GMPR: variants seen among roughly 807,000 people sequenced by gnomAD.
GMPR encodes the protein guanosine monophosphate reductase.
GMPR carries 31 observed loss-of-function variants against 38.4 expected under a neutral mutation model. The observed-to-expected ratio is 0.81, with a 90% CI of 0.61 to 1.09. The LOEUF is 1.09. GMPR is among the 50% of genes least tolerant of loss of function. The pLI is 0.00. For synonymous variants in GMPR, 162 were observed against 173.3 expected (o/e 0.93, Z 0.51); for missense variants, 468 against 453.7 (o/e 1.03, Z -0.29).
intron 4 of GMPR, among the ~76,000 whole-genome samples, chr6:16,269,610 A>G (rs1338733365): frequency 1.3e-5 from 2 of 152,138 alleles, no homozygotes; most frequent in Admixed American, 1.3e-4. Flanking sequence ...AGCCTGGCCA[A>G]CATGGAGAAA....
At chr6:16,283,379 G>A (rs765304279) in intron 6 of GMPR, among the ~76,000 whole-genome samples, 10 of 152,134 alleles carry the variant, frequency 6.6e-5, no homozygotes, top group East Asian at 1.9e-4. Context: ...ACTGCTTCCC[G>A]AGAACATGAA....
chr6:16,254,787 G>A (rs758872155), intron 4 of GMPR, 52 bp downstream of exon 4: 59 of 1,343,608 alleles, frequency 4.4e-5, no homozygotes, highest in Non-Finnish European at 6.0e-5. Flanking sequence ...GGGAAGCCAC[G>A]AGGGAGTTGT....
chr6:16,295,438 C>T lies in GMPR; in HGVS notation c.*252C>T, dbSNP rs763865533. The stretch of plus-strand genomic sequence containing the variant: ...GAACTCATAACCTCATTGTTCAAAC[C>T]AACACTTGCACCTTTCTCTTTTTCT... On this transcript the variant is annotated 3_prime_UTR_variant, in exon 9 of 9. Coordinates refer to ENST00000259727, the MANE Select transcript of GMPR (RefSeq NM_006877.4). 2.7e-6 allele frequency: 1 copy of T among 373,780 alleles called. No homozygotes were observed. The highest frequency in any genetic ancestry group is 4.7e-6 in the Non-Finnish European group (1 of 211,638). The allele number at this position is 373,780 out of a possible 1,614,324, so 23.2% of individuals were successfully genotyped here. A position where few individuals can be genotyped will look rare whatever the true frequency, so the allele number is the denominator to read the frequency against.
At chr6:16,287,296 T>C (rs2113703475) in intron 7 of GMPR, among the ~76,000 whole-genome samples, 1 of 152,328 alleles carries the variant, frequency 6.6e-6, no homozygotes, top group Middle Eastern at 3.4e-3. Flanking sequence ...TTAATACAGG[T>C]GGTGGTCCAT....
intron 6 of GMPR, among the ~76,000 whole-genome samples, chr6:16,282,821 T>G (rs1334930404): frequency 6.6e-6 from 1 of 152,092 alleles, no homozygotes; most frequent in Non-Finnish European, 1.5e-5. Context: ...TTTCTTTTTT[T>G]TTTTTGAGAC....
At chr6:16,245,375 G>C (rs1758732979) in intron 1 of GMPR, among the ~76,000 whole-genome samples, 1 of 152,230 alleles carries the variant, frequency 6.6e-6, no homozygotes, top group Non-Finnish European at 1.5e-5. Context: ...TAAAGGGCCA[G>C]AGCGGTCCCA....
At chr6:16,247,243 C>T (rs2113669494) in intron 2 of GMPR, among the ~76,000 whole-genome samples, 1 of 152,230 alleles carries the variant, frequency 6.6e-6, no homozygotes, top group African/African-American at 2.4e-5. Flanking sequence ...TGCCATATTG[C>T]AGAAAAGTGA....
chr6:16,248,962 C>T (rs773713504), intron 2 of GMPR, among the ~76,000 whole-genome samples: 12 of 152,030 alleles, frequency 7.9e-5, no homozygotes, highest in Admixed American at 2.0e-4. Flanking sequence ...GTGAATTTTC[C>T]GTTTCTAGGA....
chr6:16,281,166 C>A (rs1759564352), intron 6 of GMPR, among the ~76,000 whole-genome samples: 1 of 152,204 alleles, frequency 6.6e-6, no homozygotes, highest in Non-Finnish European at 1.5e-5. Flanking sequence ...GTTACAAATT[C>A]TTGGGCCCCA....
At position 16,268,949 on chromosome 6, in the gene GMPR, T is replaced by C. The variant is rs183492176; in HGVS notation, c.466-5466T>C. On this transcript the variant is annotated intron_variant, in intron 4 of 8. Transcript: ENST00000259727. ...ATAAATTTAAATTTTTTATTTATTT[T>C]TAGGTGTACAGTTCAGTGGCACTAA... Among the ~76,000 whole-genome samples, 322 of 151,134 alleles carry C rather than the reference T, an allele frequency of 2.1e-3. 1 individual carries two copies. Among genetic ancestry groups the C allele is most frequent in the African/African-American group, 7.3e-3 (303 of 41,460 alleles).
chr6:16,238,853 G>C (rs935310240), intron 1 of GMPR, 73 bp downstream of exon 1: 1 of 746,004 alleles, frequency 1.3e-6, no homozygotes, highest in Non-Finnish European at 2.0e-6. Flanking sequence ...TGGGTGGAAG[G>C]GGGTGGCACC....
At chr6:16,264,030 G>T (rs370676339) in intron 4 of GMPR, among the ~76,000 whole-genome samples, 3 of 152,054 alleles carry the variant, frequency 2.0e-5, no homozygotes, top group East Asian at 3.9e-4. Flanking sequence ...CAGAAAAGCA[G>T]GACTTGCCGC....
At chr6:16,271,426 C>T (rs892828802) in intron 4 of GMPR, among the ~76,000 whole-genome samples, 1 of 152,122 alleles carries the variant, frequency 6.6e-6, no homozygotes, top group Non-Finnish European at 1.5e-5. Flanking sequence ...GTTCAGGCTG[C>T]GGCGAGCCAT....
chr6:16,245,509 G>A (rs1254502056), intron 1 of GMPR, among the ~76,000 whole-genome samples: 1 of 152,234 alleles, frequency 6.6e-6, no homozygotes, highest in African/African-American at 2.4e-5. Context: ...TGAAGCCAGG[G>A]TTAATGTAGG....
At chr6:16,266,157 GC>G (rs2113685377) in intron 4 of GMPR, among the ~76,000 whole-genome samples, 1 of 122,850 alleles carries the variant, frequency 8.1e-6, no homozygotes, top group South Asian at 2.6e-4. Context: ...TGTAACACTT[GC>G]CATCTTTAAG....
chr6:16,294,964 G>T (rs1759909003), intron 8 of GMPR, 42 bp from the exon 9 acceptor site: 2 of 1,508,042 alleles, frequency 1.3e-6, no homozygotes, highest in South Asian at 1.1e-5. Flanking sequence ...CTTAAGGTGG[G>T]GCGGGAAACT....
At chr6:16,262,582 T>G (rs934712603) in intron 4 of GMPR, 1 of 152,012 alleles carries the variant, frequency 6.6e-6, no homozygotes, top group African/African-American at 2.4e-5. Context: ...ATTGCAACTT[T>G]TCTCTATTAT....
intron 4 of GMPR, among the ~76,000 whole-genome samples, chr6:16,255,702 C>G (rs1227897890): frequency 6.6e-6 from 1 of 152,084 alleles, no homozygotes; most frequent in Non-Finnish European, 1.5e-5. Flanking sequence ...TTATGCAAGT[C>G]TTTGCTAATT....
At chr6:16,255,196 A>T (rs1038982926) in intron 4 of GMPR, among the ~76,000 whole-genome samples, 3 of 151,996 alleles carry the variant, frequency 2.0e-5, no homozygotes, top group Admixed American at 2.0e-4. Flanking sequence ...TATTTTTAGT[A>T]GAGACGGGGT....
Sources: gnomAD v4.1 joint callset for allele counts (sites outside exome capture counted in the v4.1 genomes callset) on GRCh38, gnomAD v4.1.1 for gene constraint, MANE v1.5 for transcripts, NCBI Gene and HGNC (gene_info 2026-07-23, HGNC 2026-07-21) for gene names.